The following POLDIP3 variants were observed in gnomAD, a reference collection of about 807,000 sequenced individuals.
POLDIP3 encodes the protein DNA polymerase delta interacting protein 3.
POLDIP3 carries 14 observed loss-of-function variants against 45.1 expected under a neutral mutation model. The ratio of observed to expected loss-of-function variants is 0.31; its 90% CI spans 0.20 to 0.49. POLDIP3 has a LOEUF of 0.49. POLDIP3 is among the 20% of genes least tolerant of loss of function. The probability of loss-of-function intolerance (pLI) is 0.99; values close to 1 mark genes in which losing one functional copy is unlikely to be tolerated. For missense variants in POLDIP3, 511 were observed against 538.8 expected (o/e 0.95, Z 0.51); for synonymous variants, 223 against 205.2 (o/e 1.09, Z -0.74).
intron 4 of POLDIP3, among the ~76,000 whole-genome samples, chr22:42,596,834 C>A (rs1339309218): frequency 6.6e-6 from 1 of 152,106 alleles, no homozygotes; most frequent in African/African-American, 2.4e-5. Flanking sequence ...ACCTGGGCAA[C>A]ACAGTGAGAC....
At chr22:42,595,986 C>T (rs777121147) in intron 5 of POLDIP3, among the ~76,000 whole-genome samples, 200 bp downstream of exon 5, 1 of 152,182 alleles carries the variant, frequency 6.6e-6, no homozygotes, top group Non-Finnish European at 1.5e-5. Flanking sequence ...CACCAGATAC[C>T]GCAATCTCTC....
At chr22:42,603,800 A>C (rs1926551280) in intron 1 of POLDIP3, 1 of 152,028 alleles carries the variant, frequency 6.6e-6, no homozygotes, top group Non-Finnish European at 1.5e-5. Context: ...TATCAAATAC[A>C]GAAACCACTG....
At chr22:42,587,095 AC>A (rs2146798306) in intron 8 of POLDIP3, among the ~76,000 whole-genome samples, 1 of 49,492 alleles carries the variant, frequency 2.0e-5, no homozygotes, top group East Asian at 3.9e-3. Flanking sequence ...AAAGCAAAAA[AC>A]AAACAAACAA....
chr22:42,599,812 G>T lies in POLDIP3; in HGVS notation c.538-19C>A. 6.4e-7 allele frequency: 1 copy of T among 1,558,474 alleles called. No individual in the cohort carries two copies. The highest frequency in any genetic ancestry group is 8.8e-7 in the Non-Finnish European group (1 of 1,132,712). ...ATAAATTCTGAGAATATAACATAAA[G>T]AAATATAAGCAAATGTGGCATCTGG... is the stretch of plus-strand genomic sequence containing the variant. On this transcript the variant is annotated intron_variant, in intron 3 of 8. Transcript: ENST00000252115.
In POLDIP3 at chr22:42,585,537, A is replaced by T. The variant is rs781606032; in HGVS notation, c.*254T>A. On this transcript the variant is annotated 3_prime_UTR_variant, in exon 9 of 9. Transcript: ENST00000252115. ...GGGGCTGAGGCTCGGGGAGGCACAC[A>T]CTGAAAAACACAAGCCTACCTTGGC... 2.1e-5 allele frequency: 10 copies of T among 486,142 alleles called. No individual in the cohort carries two copies. Among genetic ancestry groups the T allele is most frequent in the Non-Finnish European group, 3.7e-5 (10 of 268,720 alleles). 30.1% of individuals were successfully genotyped at this position (486,142 alleles called of 1,614,324 possible). A position where few individuals can be genotyped will look rare whatever the true frequency, so the allele number is the denominator to read the frequency against.
At chr22:42,591,425 C>T (rs576978991) in intron 7 of POLDIP3, among the ~76,000 whole-genome samples, 41 of 152,282 alleles carry the variant, frequency 2.7e-4, no homozygotes, top group African/African-American at 9.4e-4. Flanking sequence ...AGCACAGGGC[C>T]TTGGTCCACA....
intron 1 of POLDIP3, among the ~76,000 whole-genome samples, chr22:42,605,209 G>A (rs1926647084): frequency 6.6e-6 from 1 of 152,318 alleles, no homozygotes; most frequent in East Asian, 1.9e-4. Flanking sequence ...CTCACCGCAA[G>A]CTCCGCCTCC....
intron 1 of POLDIP3, among the ~76,000 whole-genome samples, chr22:42,605,492 AG>A (rs1926668421): frequency 6.6e-6 from 1 of 152,258 alleles, no homozygotes; most frequent in African/African-American, 2.4e-5. Context: ...GGACTAAAAC[AG>A]GCAGTGATGC....
At chr22:42,602,212 G>A in intron 2 of POLDIP3, 156 bp from the exon 3 acceptor site, 2 of 1,192,636 alleles carry the variant, frequency 1.7e-6, no homozygotes, top group South Asian at 1.5e-5. Context: ...GGAAGTAACA[G>A]AAGAATCATC....
chr22:42,605,696 T>A (rs990761741), intron 1 of POLDIP3, among the ~76,000 whole-genome samples: 1 of 151,424 alleles, frequency 6.6e-6, no homozygotes, highest in East Asian at 1.9e-4. Context: ...AGGAAGGGAG[T>A]GTTCAGGGGG....
At chr22:42,598,746 G>A (rs1472091629) in intron 4 of POLDIP3, among the ~76,000 whole-genome samples, 1 of 152,202 alleles carries the variant, frequency 6.6e-6, no homozygotes, top group Non-Finnish European at 1.5e-5. Flanking sequence ...AACCAAAACT[G>A]AGTCTTTGAG....
intron 4 of POLDIP3, among the ~76,000 whole-genome samples, chr22:42,599,328 G>T (rs973891028): frequency 1.3e-5 from 2 of 152,274 alleles, no homozygotes; most frequent in African/African-American, 4.8e-5. Flanking sequence ...TTCACGCCGG[G>T]CGCAGTGGCT....
chr22:42,599,138 T>G (rs749777112), intron 4 of POLDIP3, among the ~76,000 whole-genome samples: 2 of 152,222 alleles, frequency 1.3e-5, no homozygotes, highest in African/African-American at 4.8e-5. Context: ...ACTTTCCCTA[T>G]AGTGTCTCAA....
chr22:42,597,809 C>A, intron 4 of POLDIP3: 2 of 447,536 alleles, frequency 4.5e-6, no homozygotes, highest in South Asian at 3.2e-5. Context: ...GAGACGGAGT[C>A]TCGCCCTGTC....
chr22:42,602,084 C>T, intron 2 of POLDIP3, 28 bp from the exon 3 acceptor site: 1 of 1,613,896 alleles, frequency 6.2e-7, no homozygotes, highest in East Asian at 2.2e-5. Flanking sequence ...TCAGAATCCA[C>T]CCCACAGGGT....
In POLDIP3 at chr22:42,585,143, C is replaced by T. The variant is rs971276790; in HGVS notation, c.*648G>A. 2.9e-5 allele frequency: 13 copies of T among 443,520 alleles called. 1 individual carries two copies. In the Middle Eastern group the frequency reaches 1.0e-3, roughly 36 times the overall value. 27.5% of individuals were successfully genotyped at this position (443,520 alleles called of 1,614,324 possible). On this transcript the variant is annotated 3_prime_UTR_variant, in exon 9 of 9. Transcript: ENST00000252115. ...GAACTTCCTCTGGGTGGAGACGACA[C>T]GGGACTCCAAGCCAAGAGCTTAGAT...
chr22:42,601,829 T>C, intron 3 of POLDIP3, 141 bp downstream of exon 3: 1 of 1,032,352 alleles, frequency 9.7e-7, no homozygotes, highest in Non-Finnish European at 1.3e-6. Context: ...TAACCCTGCC[T>C]CCAATACTAC....
At chr22:42,602,643 A>G in intron 2 of POLDIP3, 127 bp downstream of exon 2, 2 of 1,096,268 alleles carry the variant, frequency 1.8e-6, no homozygotes. Context: ...CTCTGTAAGG[A>G]GCAAAGTCTG....
chr22:42,591,919 T>C (rs765109564), intron 7 of POLDIP3, 36 bp downstream of exon 7: 4 of 1,613,144 alleles, frequency 2.5e-6, no homozygotes, highest in African/African-American at 2.7e-5. Flanking sequence ...TAGAGATGAG[T>C]GGGAGGGTCA....
Sources: allele counts gnomAD v4.1 joint callset (sites outside exome capture counted in the v4.1 genomes callset), GRCh38; gene constraint gnomAD v4.1.1; transcripts MANE v1.5; gene names NCBI Gene and HGNC (gene_info 2026-07-23, HGNC 2026-07-21).